SPAG9: variants seen among roughly 807,000 people sequenced by gnomAD.
The protein encoded by SPAG9 is C-Jun-amino-terminal kinase-interacting protein 4.
SPAG9 carries 35 observed loss-of-function variants against 166.5 expected under a neutral mutation model. That is an observed-to-expected ratio of 0.21 (90% CI 0.16 to 0.28). SPAG9 has a LOEUF of 0.28. Ranked by LOEUF, SPAG9 falls within the 10% of genes least tolerant of loss-of-function variation. The pLI, the probability that SPAG9 is intolerant of heterozygous loss-of-function variation, is 1.00. For synonymous variants in SPAG9, 534 were observed against 565.5 expected (o/e 0.94, Z 0.79); for missense variants, 1,235 against 1,603.3 (o/e 0.77, Z 3.92).
chr17:51,037,681 A>AG lies in SPAG9; in HGVS notation c.741+3819_741+3820insC, dbSNP rs1248798116. On this transcript the variant is annotated intron_variant, in intron 5 of 29. Coordinates refer to ENST00000262013, the MANE Select transcript of SPAG9 (RefSeq NM_001130528.3). ...ATATGTGTTTTATATATATATATAT[A>AG]TATAGTGTGTGTGTGTGTGTGTGTG... Among the ~76,000 whole-genome samples, 62 of 98,746 alleles carry AG rather than the reference A, an allele frequency of 6.3e-4. 2 individuals carry two copies. The highest frequency in any genetic ancestry group is 2.0e-3 in the East Asian group (9 of 4,594). 64.8% of individuals were successfully genotyped at this position (98,746 alleles called of 152,430 possible). A position where few individuals can be genotyped will look rare whatever the true frequency, so the allele number is the denominator to read the frequency against.
chr17:51,105,974 T>G (rs1161838233), intron 1 of SPAG9, among the ~76,000 whole-genome samples: 1 of 151,752 alleles, frequency 6.6e-6, no homozygotes. Flanking sequence ...TTAAAAAAAA[T>G]AAAATTATGG....
chr17:50,985,775 C>T lies in SPAG9; in HGVS notation c.2943G>A (p.Leu981=). Residue 981 remains leucine, a synonymous_variant, in exon 23 of 30, where the codon TTG becomes TTA. Transcript: ENST00000262013. ...ACTGGGCTACAGATGAATGGACATA[C>T]AAACTGTAAGAACAAAGTCAACACT... ...TMWLGAQNGC[L]YVHSSVAQWR... 1 of 1,593,284 alleles carries T rather than the reference C, an allele frequency of 6.3e-7. No individual in the cohort carries two copies. Among genetic ancestry groups the T allele is most frequent in the Non-Finnish European group, 8.6e-7 (1 of 1,162,614 alleles).
chr17:50,974,713 A>G lies in SPAG9; in HGVS notation c.3700+58T>C, dbSNP rs1974093889. ...CTTAGACTATTAGGTAGTGGAACCA[A>G]GAGATGACAGAAGAGAGACAATTAC... On this transcript the variant is annotated intron_variant, in intron 28 of 29. Transcript: ENST00000262013. The G allele has an allele frequency of 2.1e-6, 3 of 1,449,282 alleles. No homozygotes were observed. In the Admixed American group the frequency reaches 7.2e-5, roughly 35 times the overall value. 89.8% of individuals were successfully genotyped at this position (1,449,282 alleles called of 1,614,324 possible).
chr17:51,021,169 T>G lies in SPAG9; in HGVS notation c.980A>C (p.Asn327Thr). 1 of 1,613,800 alleles carries G rather than the reference T, an allele frequency of 6.2e-7. No individual in the cohort carries two copies. Among genetic ancestry groups the G allele is most frequent in the Non-Finnish European group, 8.5e-7 (1 of 1,179,742 alleles). Residue 327 changes from asparagine (N) to threonine (T), a missense_variant, in exon 7 of 30, where the codon AAT (asparagine) becomes ACT (threonine). Transcript: ENST00000262013. ...CTAGGGTCACTCACCAGTAGATACATTTCTAGTTTCCTGGGCTACCTGTAC... is the reference window on the plus strand; with the variant it reads ...CTAGGGTCACTCACCAGTAGATACAGTTCTAGTTTCCTGGGCTACCTGTAC... ...IEVQVAQETR[N>T]VSTGSAENEE...
At chr17:51,070,392 T>C (rs760493947) in intron 2 of SPAG9, among the ~76,000 whole-genome samples, 2 of 152,208 alleles carry the variant, frequency 1.3e-5, no homozygotes, top group Admixed American at 6.5e-5. Context: ...CCAATTCTAT[T>C]GACATTAGAA....
intron 2 of SPAG9, among the ~76,000 whole-genome samples, chr17:51,078,829 T>C (rs2048086269): frequency 6.6e-6 from 1 of 152,128 alleles, no homozygotes; most frequent in Admixed American, 6.6e-5. Context: ...TACTTTTTTT[T>C]CTCCAGTATC....
chr17:50,987,286 G>C (rs148597792), intron 21 of SPAG9, 49 bp from the exon 22 acceptor site: 3 of 1,530,542 alleles, frequency 2.0e-6, no homozygotes, highest in Non-Finnish European at 2.6e-6. Flanking sequence ...CTTAACTATC[G>C]TTATAGTTTT....
intron 7 of SPAG9, 107 bp downstream of exon 7, chr17:51,021,051 T>C: frequency 1.1e-6 from 1 of 924,198 alleles, no homozygotes; most frequent in South Asian, 1.5e-5. Context: ...TCTGCCTATT[T>C]TATAAATACA....
chr17:50,994,831 G>T (rs368874165), intron 18 of SPAG9, among the ~76,000 whole-genome samples: 19 of 150,644 alleles, frequency 1.3e-4, no homozygotes, highest in Non-Finnish European at 1.5e-5. Flanking sequence ...GATTACATAC[G>T]TGTACACATG....
chr17:51,080,886 C>CAA (rs200436430), intron 1 of SPAG9, among the ~76,000 whole-genome samples: 2,133 of 67,738 alleles, frequency 0.031, 406 homozygotes, highest in African/African-American at 0.11. Context: ...GACTCTATCT[C>CAA]AAAAAAAAAA....
intron 1 of SPAG9, among the ~76,000 whole-genome samples, chr17:51,119,188 G>C (rs2049396617): frequency 6.6e-6 from 1 of 152,092 alleles, no homozygotes; most frequent in African/African-American, 2.4e-5. Context: ...AGGTATACGT[G>C]ACAAAATAAA....
chr17:51,042,123 T>C (rs2144402749), intron 4 of SPAG9, among the ~76,000 whole-genome samples: 1 of 152,324 alleles, frequency 6.6e-6, no homozygotes, highest in South Asian at 2.1e-4. Flanking sequence ...AAAATCAATA[T>C]ATTATCTAAA....
chr17:51,007,795 A>C lies in SPAG9; in HGVS notation c.1214-469T>G, dbSNP rs1001576481. The C allele has an allele frequency of 9.0e-6, 4 of 446,260 alleles. No individual in the cohort carries two copies. The Admixed American group carries it at 1.0e-4, about 11-fold the overall frequency. 27.6% of individuals were successfully genotyped at this position (446,260 alleles called of 1,614,324 possible). ...TATTAATAGAGAACAGGCAAAAACA[A>C]GGCTAAAGAAAGATAGAACCCCAAG... On this transcript the variant is annotated intron_variant, in intron 9 of 29. Transcript: ENST00000262013.
At position 51,100,877 on chromosome 17, in the gene SPAG9, G is replaced by A. The variant is rs945599296; in HGVS notation, c.303+19477C>T. ...AGAGGTTGCGGTGAGCCAAGATTGC[G>A]CCATTGTACTCCAGCCTGGGCAATA... is the stretch of plus-strand genomic sequence containing the variant. On this transcript the variant is annotated intron_variant, in intron 1 of 29. Coordinates refer to ENST00000262013, the MANE Select transcript of SPAG9 (RefSeq NM_001130528.3). Among the ~76,000 whole-genome samples, 6 of 151,686 alleles carry A rather than the reference G, an allele frequency of 4.0e-5. No homozygotes were observed. In the East Asian group the frequency reaches 5.8e-4, roughly 15 times the overall value.
chr17:51,057,815 T>C (rs1203305842), intron 2 of SPAG9, among the ~76,000 whole-genome samples: 1 of 152,216 alleles, frequency 6.6e-6, no homozygotes, highest in Non-Finnish European at 1.5e-5. Flanking sequence ...CTGCTCATCT[T>C]ATCCTGTGGC....
intron 24 of SPAG9, 144 bp from the exon 25 acceptor site, chr17:50,982,816 C>G (rs1224596807): frequency 6.4e-6 from 5 of 779,102 alleles, no homozygotes; most frequent in Middle Eastern, 3.8e-4. Flanking sequence ...TTATTTGCAG[C>G]CTGGGTTCTT....
At chr17:51,030,662 A>G (rs1330375906) in intron 6 of SPAG9, among the ~76,000 whole-genome samples, 1 of 152,242 alleles carries the variant, frequency 6.6e-6, no homozygotes, top group Admixed American at 6.5e-5. Flanking sequence ...CCTTAACTCT[A>G]GATACTCACA....
intron 5 of SPAG9, among the ~76,000 whole-genome samples, chr17:51,038,461 T>G (rs1167421751): frequency 6.6e-6 from 1 of 152,194 alleles, no homozygotes; most frequent in Admixed American, 6.5e-5. Flanking sequence ...TATTGAAATA[T>G]ATAAATGCTA....
rs201881714 is a variant in SPAG9 at position 51,057,009 on chromosome 17, T to TA, written c.425-528dup. Among the ~76,000 whole-genome samples the TA allele has an allele frequency of 2.1e-3, 308 of 147,016 alleles. 1 individual carries two copies. The highest frequency in any genetic ancestry group is 6.3e-3 in the African/African-American group (252 of 40,208). The stretch of plus-strand genomic sequence containing the variant: ...TCACAGAGTACAACTTCAGGATATT[T>TA]AAAAAAAAAAAGTTTTATTAATAGA... On this transcript the variant is annotated intron_variant, in intron 2 of 29. Coordinates refer to ENST00000262013, the MANE Select transcript of SPAG9 (RefSeq NM_001130528.3).
Sources: gnomAD v4.1 joint callset for allele counts (sites outside exome capture counted in the v4.1 genomes callset) on GRCh38, gnomAD v4.1.1 for gene constraint, MANE v1.5 for transcripts, NCBI Gene and HGNC (gene_info 2026-07-23, HGNC 2026-07-21) for gene names.